GRID2: variants seen among roughly 807,000 people sequenced by gnomAD.
The protein encoded by GRID2 is glutamate receptor ionotropic, delta-2.
GRID2 carries 33 observed loss-of-function variants against 114.8 expected under a neutral mutation model. That is an observed-to-expected ratio of 0.29 (90% CI 0.22 to 0.38). The LOEUF is 0.38. GRID2 is among the 10% of genes least tolerant of loss of function. The probability of loss-of-function intolerance (pLI) is 1.00; values close to 1 mark genes in which losing one functional copy is unlikely to be tolerated. For missense variants in GRID2, 1,184 were observed against 1,257.7 expected, an observed-to-expected ratio of 0.94 and a Z score of 0.89; for synonymous variants, 505 against 449.9, an observed-to-expected ratio of 1.12 and a Z score of -1.55.
chr4:93,592,902 T>C (rs1426555069), intron 13 of GRID2, among the ~76,000 whole-genome samples: 1 of 151,952 alleles, frequency 6.6e-6, no homozygotes, highest in Non-Finnish European at 1.5e-5. Flanking sequence ...TTGTTTTCCA[T>C]TTGCTTGGTA....
intron 1 of GRID2, among the ~76,000 whole-genome samples, chr4:92,494,783 G>T (rs558448259): frequency 6.6e-6 from 1 of 151,884 alleles, no homozygotes; most frequent in African/African-American, 2.4e-5. Flanking sequence ...TAAAAAAGGG[G>T]CTATGTACAC....
intron 2 of GRID2, among the ~76,000 whole-genome samples, chr4:92,945,876 A>G (rs1751588040): frequency 6.6e-6 from 1 of 152,064 alleles, no homozygotes; most frequent in Admixed American, 6.6e-5. Flanking sequence ...TTTAGGAAAG[A>G]TCTATGCCCC....
chr4:92,874,011 G>A (rs773164344), intron 2 of GRID2, among the ~76,000 whole-genome samples: 2 of 152,068 alleles, frequency 1.3e-5, no homozygotes, highest in African/African-American at 2.4e-5. Flanking sequence ...ACTGCGCCCG[G>A]CCTCCTCTAA....
At chr4:92,696,878 C>A (rs778457237) in intron 2 of GRID2, among the ~76,000 whole-genome samples, 20 of 152,052 alleles carry the variant, frequency 1.3e-4, no homozygotes, top group Non-Finnish European at 2.6e-4. Context: ...AATAAAAAAT[C>A]TTTGATTTTA....
At chr4:92,679,708 G>A (rs545851008) in intron 2 of GRID2, among the ~76,000 whole-genome samples, 25 of 151,800 alleles carry the variant, frequency 1.6e-4, no homozygotes, top group East Asian at 1.2e-3. Context: ...TGTTAATTGC[G>A]TCTGAATAGT....
At chr4:93,123,822 T>C (rs958792886) in intron 4 of GRID2, among the ~76,000 whole-genome samples, 6 of 152,184 alleles carry the variant, frequency 3.9e-5, no homozygotes, top group African/African-American at 1.4e-4. Flanking sequence ...TAACCTGCTG[T>C]AGTCTTCTCA....
At chr4:92,600,325 C>A (rs919268173) in intron 2 of GRID2, among the ~76,000 whole-genome samples, 60 of 151,508 alleles carry the variant, frequency 4.0e-4, no homozygotes, top group African/African-American at 1.4e-3. Context: ...GAGAGGGTAA[C>A]TAGAGGATTA....
intron 2 of GRID2, among the ~76,000 whole-genome samples, chr4:92,921,216 T>C (rs1300792841): frequency 3.3e-5 from 5 of 152,186 alleles, no homozygotes; most frequent in Non-Finnish European, 7.3e-5. Flanking sequence ...CTTTAAGGAC[T>C]TCTCTGCATT....
chr4:92,715,450 T>A (rs751130447), intron 2 of GRID2, among the ~76,000 whole-genome samples: 2 of 152,142 alleles, frequency 1.3e-5, no homozygotes, highest in Non-Finnish European at 2.9e-5. Flanking sequence ...TTTTCAGGTG[T>A]CTTTTCAGCA....
intron 2 of GRID2, among the ~76,000 whole-genome samples, chr4:92,905,315 C>T (rs1273770330): frequency 1.3e-5 from 2 of 151,912 alleles, no homozygotes; most frequent in African/African-American, 2.4e-5. Context: ...TTTTAAGTTC[C>T]TAAAGTCTTT....
chr4:92,855,194 G>A (rs1288053450), intron 2 of GRID2, among the ~76,000 whole-genome samples: 1 of 152,008 alleles, frequency 6.6e-6, no homozygotes, highest in Non-Finnish European at 1.5e-5. Flanking sequence ...CCTATTCACT[G>A]TAGTGTAAAG....
At chr4:92,467,758 A>T (rs1040668271) in intron 1 of GRID2, among the ~76,000 whole-genome samples, 1 of 152,046 alleles carries the variant, frequency 6.6e-6, no homozygotes, top group African/African-American at 2.4e-5. Flanking sequence ...GGAAAAAAAT[A>T]ATGCAGTGAT....
intron 2 of GRID2, among the ~76,000 whole-genome samples, chr4:92,871,282 T>A (rs116892012): frequency 3.3e-5 from 5 of 152,056 alleles, no homozygotes; most frequent in Admixed American, 6.6e-5. Flanking sequence ...ATAACTTCAA[T>A]GGTCATTTAG....
chr4:93,104,081 G>C (rs1731966173), intron 3 of GRID2, among the ~76,000 whole-genome samples: 1 of 152,006 alleles, frequency 6.6e-6, no homozygotes, highest in African/African-American at 2.4e-5. Flanking sequence ...TTGTTCCCAT[G>C]TTTATCTCCA....
chr4:92,747,205 C>A (rs540661450), intron 2 of GRID2, among the ~76,000 whole-genome samples: 96 of 151,890 alleles, frequency 6.3e-4, no homozygotes, highest in African/African-American at 2.1e-3. Context: ...AGACAGGTTA[C>A]TTTTATTGTA....
At chr4:92,629,487 A>C (rs1378732059) in intron 2 of GRID2, among the ~76,000 whole-genome samples, 1 of 152,128 alleles carries the variant, frequency 6.6e-6, no homozygotes, top group Non-Finnish European at 1.5e-5. Context: ...TTAAGCACTG[A>C]GGTTTGCAGA....
chr4:93,547,223 G>A (rs1306664848), intron 13 of GRID2, among the ~76,000 whole-genome samples: 1 of 152,144 alleles, frequency 6.6e-6, no homozygotes, highest in Non-Finnish European at 1.5e-5. Context: ...TAATCTGGGT[G>A]AATATTATTA....
chr4:92,705,858 T>A (rs186144270), intron 2 of GRID2, among the ~76,000 whole-genome samples: 11 of 152,276 alleles, frequency 7.2e-5, no homozygotes, highest in African/African-American at 2.6e-4. Context: ...CCAGCAGAGG[T>A]ACAGATAATG....
intron 13 of GRID2, among the ~76,000 whole-genome samples, chr4:93,518,052 A>G (rs112556053): frequency 2.3e-5 from 3 of 131,730 alleles, no homozygotes; most frequent in African/African-American, 3.2e-5. Flanking sequence ...CGCATATACT[A>G]TATATGTATA....
Sources: gnomAD v4.1 joint callset for allele counts (sites outside exome capture counted in the v4.1 genomes callset) on GRCh38, gnomAD v4.1.1 for gene constraint, MANE v1.5 for transcripts, NCBI Gene and HGNC (gene_info 2026-07-23, HGNC 2026-07-21) for gene names.